DROSHA: variants seen among roughly 807,000 people sequenced by gnomAD.
DROSHA encodes drosha ribonuclease III, also known as ribonuclease 3.
DROSHA carries 56 observed loss-of-function variants against 181.9 expected under a neutral mutation model. The observed-to-expected ratio is 0.31, with a 90% CI of 0.25 to 0.38. The LOEUF (loss-of-function observed/expected upper bound fraction) is 0.38, where lower values mean the gene tolerates loss of function less well. Ranked by LOEUF, DROSHA falls within the 10% of genes least tolerant of loss-of-function variation. DROSHA has a pLI of 1.00. For synonymous variants in DROSHA, 524 were observed against 591.2 expected (o/e 0.89, Z 1.65); for missense variants, 1,218 against 1,743.5 (o/e 0.70, Z 5.37).
At chr5:31,425,287 C>T (rs1369872234) in intron 27 of DROSHA, among the ~76,000 whole-genome samples, 1 of 151,980 alleles carries the variant, frequency 6.6e-6, no homozygotes, top group Non-Finnish European at 1.5e-5. Flanking sequence ...AGTAAAATAC[C>T]TAATATTTCT....
chr5:31,457,036 AGT>A (rs993176137), intron 20 of DROSHA, among the ~76,000 whole-genome samples: 3 of 152,076 alleles, frequency 2.0e-5, no homozygotes, highest in Non-Finnish European at 4.4e-5. Flanking sequence ...AGTAGAGAAA[AGT>A]GTAAGATACC....
At chr5:31,429,778 G>A (rs1303870608) in intron 26 of DROSHA, among the ~76,000 whole-genome samples, 1 of 152,078 alleles carries the variant, frequency 6.6e-6, no homozygotes, top group Non-Finnish European at 1.5e-5. Flanking sequence ...ATCTAATATT[G>A]TAAGTAAAAG....
Position 31,529,068 on chromosome 5 carries a change from G to A in DROSHA, c.-9C>T, listed in dbSNP as rs370870212. On this transcript the variant is annotated 5_prime_UTR_variant, in exon 4 of 36. Coordinates refer to ENST00000344624, the MANE Select transcript of DROSHA (RefSeq NM_001382508.1). ...GTGTTTCCCTGCATCATGATGTTCC[G>A]CCTGGATATGTCACATCTTCCACAG... 72 of 1,612,484 alleles carry A rather than the reference G, an allele frequency of 4.5e-5. No homozygotes were observed. In the Middle Eastern group the frequency reaches 4.9e-4, roughly 11 times the overall value.
In DROSHA at chr5:31,409,617, A is replaced by G. The variant is rs1002583253; in HGVS notation, c.3668-285T>C. ...CACAGAATGCCGCTGTATATCAGGG[A>G]AAAAATGCTGAGCACCCAACCCTGT... On this transcript the variant is annotated intron_variant, in intron 31 of 35. Transcript: ENST00000344624. This position sits in a 1 kb window ranked among gnomAD's most constrained non-coding sequence, Gnocchi z 4.0. 8.6e-6 allele frequency: 3 copies of G among 349,534 alleles called. No homozygotes were observed. The highest frequency in any genetic ancestry group is 5.8e-5 in the East Asian group (1 of 17,288). The allele number at this position is 349,534 out of a possible 1,614,324, so 21.7% of individuals were successfully genotyped here. A position where few individuals can be genotyped will look rare whatever the true frequency, so the allele number is the denominator to read the frequency against.
In DROSHA at chr5:31,454,036, C is replaced by G. The variant is rs550875254; in HGVS notation, c.2575-2396G>C. Among the ~76,000 whole-genome samples the G allele has an allele frequency of 6.6e-5, 10 of 152,000 alleles. No homozygotes were observed. The South Asian group carries it at 2.1e-3, about 32-fold the overall frequency. ...ACATAAAAACTAAATGACAAGGCACCCTCTTGAGTCCCTAAATAAGAGTGT... is the reference window on the plus strand; with the variant it reads ...ACATAAAAACTAAATGACAAGGCACGCTCTTGAGTCCCTAAATAAGAGTGT... On this transcript the variant is annotated intron_variant, in intron 20 of 35. Coordinates refer to ENST00000344624, the MANE Select transcript of DROSHA (RefSeq NM_001382508.1).
At chr5:31,509,870 G>C (rs1290809063) in intron 9 of DROSHA, among the ~76,000 whole-genome samples, 1 of 152,280 alleles carries the variant, frequency 6.6e-6, no homozygotes, top group South Asian at 2.1e-4. Context: ...GTAGTAATAA[G>C]GGAACGGGGG....
intron 27 of DROSHA, 30 bp downstream of exon 27, chr5:31,429,445 A>G: frequency 6.4e-7 from 1 of 1,574,238 alleles, no homozygotes; most frequent in South Asian, 1.2e-5. Context: ...AATATATAAC[A>G]AAAAAAATCA....
chr5:31,461,846 T>C (rs765665825), intron 20 of DROSHA, among the ~76,000 whole-genome samples: 3 of 151,984 alleles, frequency 2.0e-5, no homozygotes, highest in Non-Finnish European at 4.4e-5. Context: ...CATATGTTGA[T>C]GTTTTAAGTT....
chr5:31,530,973 T>C lies in DROSHA; in HGVS notation c.-173-49A>G, dbSNP rs78051144. On this transcript the variant is annotated intron_variant, in intron 2 of 35. Transcript: ENST00000344624. ...AATGTTTACTCTCTCACCAATAGTA[T>C]GTTTCCATGTTGCTACTGTACATTT... 2,365 of 397,050 alleles carry C rather than the reference T, an allele frequency of 6.0e-3. 48 individuals are homozygous for C. The highest frequency in any genetic ancestry group is 0.044 in the African/African-American group (2,139 of 48,708). 24.6% of individuals were successfully genotyped at this position (397,050 alleles called of 1,614,324 possible).
intron 5 of DROSHA, among the ~76,000 whole-genome samples, chr5:31,523,519 T>C (rs1029383996): frequency 1.3e-5 from 2 of 151,480 alleles, no homozygotes; most frequent in Non-Finnish European, 2.9e-5. Flanking sequence ...AATTATAGCA[T>C]ATCAAAACAG....
intron 13 of DROSHA, among the ~76,000 whole-genome samples, chr5:31,490,258 T>C (rs1008208944): frequency 6.6e-6 from 1 of 150,642 alleles, no homozygotes; most frequent in Non-Finnish European, 1.5e-5. Context: ...ATCAGCTCAC[T>C]GCAGCTTCAA....
At position 31,495,353 on chromosome 5, in the gene DROSHA, G is replaced by A. The variant is rs1255983736; in HGVS notation, c.1688C>T (p.Pro563Leu). ...AAGTCTGCCAGCATTGTTGGTCATA[G>A]GACGACAGGGCTTGATGGCCTGAGG... ...PGEEAIKPCR[P>L]MTNNAGRLFH... is the part of the protein sequence containing the mutation. Residue 563 changes from proline to leucine, a missense_variant, in exon 12 of 36, where the codon CCT (proline) becomes CTT (leucine). Physicochemically the swap from Pro to Leu is moderately conservative, Grantham distance 98 (BLOSUM62 -3). Coordinates refer to ENST00000344624, the MANE Select transcript of DROSHA (RefSeq NM_001382508.1). 2 of 1,613,794 alleles carry A rather than the reference G, an allele frequency of 1.2e-6. No individual in the cohort carries two copies. The highest frequency in any genetic ancestry group is 4.5e-5 in the East Asian group (2 of 44,878).
chr5:31,465,600 C>T (rs1018540853), intron 19 of DROSHA, among the ~76,000 whole-genome samples: 8 of 152,130 alleles, frequency 5.3e-5, no homozygotes, highest in Admixed American at 4.6e-4. Flanking sequence ...GATGTTTTGG[C>T]CCCTCCAAAT....
intron 18 of DROSHA, 84 bp from the exon 19 acceptor site, chr5:31,466,365 T>G: frequency 9.3e-7 from 1 of 1,074,994 alleles, no homozygotes; most frequent in Non-Finnish European, 1.4e-6. Context: ...AAGAGGCCTC[T>G]TCAAATCATA....
At chr5:31,443,706 C>T (rs1363754014) in intron 23 of DROSHA, among the ~76,000 whole-genome samples, 1 of 152,100 alleles carries the variant, frequency 6.6e-6, no homozygotes, top group Non-Finnish European at 1.5e-5. Context: ...AGGCTTCATG[C>T]CTTTTTTGTA....
In DROSHA at chr5:31,437,236, T is replaced by C. The variant is rs759583632; in HGVS notation, c.2942+3A>G. 1 of 1,569,898 alleles carries C rather than the reference T, an allele frequency of 6.4e-7. No individual in the cohort carries two copies. The highest frequency in any genetic ancestry group is 1.4e-5 in the African/African-American group (1 of 74,050). On this transcript the variant is annotated splice_donor_region_variant and intron_variant, in intron 24 of 35. Coordinates refer to ENST00000344624, the MANE Select transcript of DROSHA (RefSeq NM_001382508.1). Reference sequence around the variant, plus strand: ...ATTGTAAAAAACAAAAAAGCCTAATTACCTGGTCAGAAATTCAACAACAGC... The same window carrying C: ...ATTGTAAAAAACAAAAAAGCCTAATCACCTGGTCAGAAATTCAACAACAGC...
intron 20 of DROSHA, among the ~76,000 whole-genome samples, chr5:31,457,123 C>CTTTT (rs5867080): frequency 3.6e-4 from 36 of 99,118 alleles, no homozygotes; most frequent in Admixed American, 7.1e-4. Context: ...GAAATTAAGC[C>CTTTT]TTTTTTTTTT....
In DROSHA at chr5:31,446,303, C is replaced by T. The variant is rs1200857702; in HGVS notation, c.2882+2244G>A. ...CTACTAAAAATACAAAAAAATTAGCCGGGTGTGGTGGCGGGCGCCTGTAGT... is the reference window on the plus strand; with the variant it reads ...CTACTAAAAATACAAAAAAATTAGCTGGGTGTGGTGGCGGGCGCCTGTAGT... On this transcript the variant is annotated intron_variant, in intron 23 of 35. Coordinates refer to ENST00000344624, the MANE Select transcript of DROSHA (RefSeq NM_001382508.1). Among the ~76,000 whole-genome samples, 6 of 151,576 alleles carry T rather than the reference C, an allele frequency of 4.0e-5. No individual in the cohort carries two copies. The South Asian group carries it at 6.3e-4, about 16-fold the overall frequency.
At chr5:31,454,269 CA>C (rs146907468) in intron 20 of DROSHA, among the ~76,000 whole-genome samples, 4 of 151,892 alleles carry the variant, frequency 2.6e-5, no homozygotes, top group African/African-American at 9.7e-5. Context: ...ACTGAAAACA[CA>C]AAAAAACAAA....
Sources: gnomAD v4.1 joint callset for allele counts (sites outside exome capture counted in the v4.1 genomes callset) on GRCh38, gnomAD v4.1.1 for gene constraint, Gnocchi (gnomAD v3.1) non-coding constraint, MANE v1.5 for transcripts, NCBI Gene and HGNC (gene_info 2026-07-23, HGNC 2026-07-21) for gene names.